The following ECE1 variants were observed in gnomAD, a reference collection of about 807,000 sequenced individuals.
The protein encoded by ECE1 is endothelin converting enzyme 1.
ECE1 carries 35 observed loss-of-function variants against 98.6 expected under a neutral mutation model. The observed-to-expected ratio is 0.35, with a 90% CI of 0.27 to 0.47. The LOEUF is 0.47. Ranked by LOEUF, ECE1 falls within the 20% of genes least tolerant of loss-of-function variation. The pLI, the probability that ECE1 is intolerant of heterozygous loss-of-function variation, is 1.00. For missense variants in ECE1, 814 were observed against 1,025.3 expected (o/e 0.79, Z 2.81); for synonymous variants, 394 against 407.1 (o/e 0.97, Z 0.39).
At chr1:21,261,730 T>G (rs1160035407) in intron 4 of ECE1, among the ~76,000 whole-genome samples, 1 of 152,154 alleles carries the variant, frequency 6.6e-6, no homozygotes, top group East Asian at 1.9e-4. Flanking sequence ...ACAACGCACG[T>G]GGCTATGGAA....
intron 1 of ECE1, among the ~76,000 whole-genome samples, chr1:21,295,867 C>G (rs1325242028): frequency 1.3e-5 from 2 of 152,206 alleles, no homozygotes; most frequent in Non-Finnish European, 2.9e-5. Flanking sequence ...CATGTGACCT[C>G]GGACATGTTG....
rs1292699309 is a variant in ECE1 at position 21,279,256 on chromosome 1, A to G, written c.215T>C (p.Leu72Ser). ...CAGTCCTGCCGCCAGAAGTACCACCAACACCACCAGCCGCTTCTCCACCTG... is the reference window on the plus strand; with the variant it reads ...CAGTCCTGCCGCCAGAAGTACCACCGACACCACCAGCCGCTTCTCCACCTG... ...RTQVEKRLVV[L>S]VVLLAAGLVA... The change falls in exon 3 of 19, where the codon TTG becomes TCG. Residue 72 changes from leucine (L) to serine (S), a missense_variant. By Grantham distance (145) the Leu-to-Ser change is moderately radical. Transcript: ENST00000374893. 1 of 1,614,120 alleles carries G rather than the reference A, an allele frequency of 6.2e-7. No individual in the cohort carries two copies. The highest frequency in any genetic ancestry group is 1.1e-5 in the South Asian group (1 of 91,068).
intron 8 of ECE1, among the ~76,000 whole-genome samples, chr1:21,251,779 T>C (rs1197918700): frequency 6.6e-6 from 1 of 152,092 alleles, no homozygotes; most frequent in Non-Finnish European, 1.5e-5. Context: ...TTCCGTTCTT[T>C]CTCTAAAAAG....
intron 9 of ECE1, among the ~76,000 whole-genome samples, chr1:21,246,425 G>T (rs576662455): frequency 1.3e-5 from 2 of 149,340 alleles, no homozygotes; most frequent in East Asian, 4.0e-4. Context: ...TTTAAACCTG[G>T]GAAGCAGAGG....
intron 1 of ECE1, among the ~76,000 whole-genome samples, chr1:21,336,307 T>C (rs1249711157): frequency 1.3e-5 from 2 of 151,574 alleles, no homozygotes; most frequent in Non-Finnish European, 2.9e-5. Context: ...CTTGAGCCCA[T>C]AAGTTCAAGG....
At chr1:21,278,999 G>T (rs28367941) in intron 3 of ECE1, among the ~76,000 whole-genome samples, 192 bp downstream of exon 3, 10 of 152,154 alleles carry the variant, frequency 6.6e-5, no homozygotes, top group Non-Finnish European at 1.3e-4. Flanking sequence ...TCAAGTGCGA[G>T]ACCTTTATAT....
chr1:21,301,736 G>C (rs1359087740), intron 1 of ECE1, among the ~76,000 whole-genome samples: 2 of 145,776 alleles, frequency 1.4e-5, no homozygotes, highest in Admixed American at 1.4e-4. Flanking sequence ...TGAGGCAGGG[G>C]AATTACTTGA....
At chr1:21,253,246 G>T (rs1322667881) in intron 8 of ECE1, among the ~76,000 whole-genome samples, 1 of 151,522 alleles carries the variant, frequency 6.6e-6, no homozygotes, top group African/African-American at 2.4e-5. Context: ...TAGTAGAGAC[G>T]GGGTTTTACC....
At chr1:21,295,630 C>G (rs556144805) in intron 1 of ECE1, among the ~76,000 whole-genome samples, 1 of 152,356 alleles carries the variant, frequency 6.6e-6, no homozygotes, top group African/African-American at 2.4e-5. Context: ...ATAGCCAAAT[C>G]AGAAACTCGC....
At position 21,340,321 on chromosome 1, in the gene ECE1, C is replaced by A. The variant is rs1639376228; in HGVS notation, c.3+5055G>T. 6.6e-6 allele frequency among the ~76,000 whole-genome samples: 1 copy of A among 152,258 alleles called. No homozygotes were observed. Among genetic ancestry groups the A allele is most frequent in the Non-Finnish European group, 1.5e-5 (1 of 68,046 alleles). On this transcript the variant is annotated intron_variant, in intron 1 of 18. Coordinates refer to the ECE1 transcript ENST00000415912. The surrounding 1 kb of genome is among the most constrained non-coding windows in gnomAD (Gnocchi z 4.6). ...TGGGACCTCTGTCTGGGGCCACAGC[C>A]TCCTTCTGTCTTCACTGACTGCTCT...
At chr1:21,265,233 G>A (rs542920370) in intron 4 of ECE1, among the ~76,000 whole-genome samples, 1 of 152,266 alleles carries the variant, frequency 6.6e-6, no homozygotes, top group African/African-American at 2.4e-5. Flanking sequence ...TAGCCTGCGG[G>A]AGGTGACTGG....
intron 8 of ECE1, among the ~76,000 whole-genome samples, chr1:21,253,030 CTTTATTATTTTATTTTA>C (rs1188641405): frequency 7.0e-6 from 1 of 142,914 alleles, no homozygotes; most frequent in African/African-American, 2.7e-5. Context: ...GCCAGGACTT[CTTTATTATTTTATTTTA>C]TTTTATTTTA....
chr1:21,258,352 T>C lies in ECE1; in HGVS notation c.762+341A>G, dbSNP rs77375146. Among the ~76,000 whole-genome samples the C allele has an allele frequency of 0.011, 1,599 of 152,174 alleles. 31 individuals are homozygous for C. Among genetic ancestry groups the C allele is most frequent in the African/African-American group, 0.036 (1,492 of 41,526 alleles). ...TGGGGCATGCTCTGACAGGGAGAGA[T>C]GGATTCAAACCCATTCCAAGAAGAG... On this transcript the variant is annotated intron_variant, in intron 6 of 18. Transcript: ENST00000374893. The surrounding 1 kb of genome is among the most constrained non-coding windows in gnomAD (Gnocchi z 4.2).
At chr1:21,267,861 C>T (rs1267524434) in intron 4 of ECE1, among the ~76,000 whole-genome samples, 1 of 152,086 alleles carries the variant, frequency 6.6e-6, no homozygotes, top group Non-Finnish European at 1.5e-5. Context: ...AAAATACGAG[C>T]GATGTCACAG....
At chr1:21,312,573 C>A (rs1377287823) in intron 1 of ECE1, among the ~76,000 whole-genome samples, 2 of 152,106 alleles carry the variant, frequency 1.3e-5, no homozygotes, top group African/African-American at 4.8e-5. Context: ...GCTATGATTG[C>A]GCCACTTCTC....
At chr1:21,270,908 C>T (rs1334879198) in intron 4 of ECE1, among the ~76,000 whole-genome samples, 1 of 152,186 alleles carries the variant, frequency 6.6e-6, no homozygotes, top group Non-Finnish European at 1.5e-5. Flanking sequence ...TGTTATACTA[C>T]CTGGACTATG....
chr1:21,258,589 TCCCACCCA>T lies in ECE1; in HGVS notation c.762+96_762+103del. 6 of 1,203,834 alleles carry T rather than the reference TCCCACCCA, an allele frequency of 5.0e-6. No individual in the cohort carries two copies. Among genetic ancestry groups the T allele is most frequent in the African/African-American group, 1.5e-5 (1 of 66,474 alleles). The allele number at this position is 1,203,834 out of a possible 1,614,324, so 74.6% of individuals were successfully genotyped here. Reference sequence around the variant, plus strand: ...AGGCTCAGAAACTAGAAGACCGCCGTCCCACCCAGGGCAAGCCCCTCTCCCACCCCAGG... The same window carrying T: ...AGGCTCAGAAACTAGAAGACCGCCGTGGGCAAGCCCCTCTCCCACCCCAGG... On this transcript the variant is annotated intron_variant, in intron 6 of 18. Transcript: ENST00000374893. This position sits in a 1 kb window ranked among gnomAD's most constrained non-coding sequence, Gnocchi z 4.2.
chr1:21,273,022 C>T (rs1211455162), intron 3 of ECE1, 111 bp from the exon 4 acceptor site: 2 of 1,213,706 alleles, frequency 1.6e-6, no homozygotes, highest in East Asian at 4.9e-5. Context: ...TGGCCCTGAC[C>T]ACACAGATTT....
At chr1:21,278,665 G>A (rs1438848783) in intron 3 of ECE1, among the ~76,000 whole-genome samples, 2 of 152,202 alleles carry the variant, frequency 1.3e-5, no homozygotes, top group Non-Finnish European at 2.9e-5. Flanking sequence ...TCTGAAGCGA[G>A]GGGTGTGGTA....
Sources: gnomAD v4.1 joint callset for allele counts (sites outside exome capture counted in the v4.1 genomes callset) on GRCh38, gnomAD v4.1.1 for gene constraint, Gnocchi (gnomAD v3.1) non-coding constraint, MANE v1.5 for transcripts, NCBI Gene and HGNC (gene_info 2026-07-23, HGNC 2026-07-21) for gene names.